CSNK2A1: variants seen among roughly 807,000 people sequenced by gnomAD.
The protein encoded by CSNK2A1 is casein kinase 2 alpha 1, also known as casein kinase II subunit alpha.
In CSNK2A1, 10 loss-of-function variants were observed where a neutral mutation model predicts 62.9. The ratio of observed to expected loss-of-function variants is 0.16; its 90% CI spans 0.10 to 0.27. The LOEUF is 0.27. Among genes scored for constraint, CSNK2A1 ranks in the 10% least tolerant of loss-of-function variants. CSNK2A1 has a pLI of 1.00. For synonymous variants in CSNK2A1, 124 were observed against 167.8 expected, an observed-to-expected ratio of 0.74 and a Z score of 2.02; for missense variants, 160 against 492.0, an observed-to-expected ratio of 0.33 and a Z score of 6.38.
At chr20:496,467 A>G (rs1364068323) in intron 7 of CSNK2A1, 1 of 152,436 alleles carries the variant, frequency 6.6e-6, no homozygotes, top group Non-Finnish European at 1.5e-5. Flanking sequence ...ACTAAAGGGA[A>G]CTGAGTAGTA....
chr20:520,663 C>A (rs934613011), intron 2 of CSNK2A1, among the ~76,000 whole-genome samples: 1 of 152,060 alleles, frequency 6.6e-6, no homozygotes, highest in Non-Finnish European at 1.5e-5. Context: ...CTATGCCCTG[C>A]TAATTTTTGT....
rs998942276 is a variant in CSNK2A1 at position 478,480 on chromosome 20, G to A, written c.*5481C>T. On this transcript the variant is annotated 3_prime_UTR_variant, in exon 14 of 14. Transcript: ENST00000217244. Reference sequence around the variant, plus strand: ...TTTTTTTCCCTTTTTCTCATTACAGGAGCCAAGAAAACTGTCAAAGCAGAT... The same window carrying A: ...TTTTTTTCCCTTTTTCTCATTACAGAAGCCAAGAAAACTGTCAAAGCAGAT... 10 of 212,938 alleles carry A rather than the reference G, an allele frequency of 4.7e-5. No individual in the cohort carries two copies. Among genetic ancestry groups the A allele is most frequent in the Non-Finnish European group, 9.9e-5 (10 of 101,292 alleles). 13.2% of individuals were successfully genotyped at this position (212,938 alleles called of 1,614,324 possible).
At chr20:518,810 C>A (rs1282116053) in intron 2 of CSNK2A1, among the ~76,000 whole-genome samples, 1 of 151,474 alleles carries the variant, frequency 6.6e-6, no homozygotes, top group Non-Finnish European at 1.5e-5. Flanking sequence ...CCGCCTTGGC[C>A]TCCCAAAGTG....
At position 511,434 on chromosome 20, in the gene CSNK2A1, T is replaced by C. The variant is rs78026148; in HGVS notation, c.-109-2774A>G. Among the ~76,000 whole-genome samples, 255 of 152,304 alleles carry C rather than the reference T, an allele frequency of 1.7e-3. 1 individual carries two copies. Among genetic ancestry groups the C allele is most frequent in the Non-Finnish European group, 3.0e-3 (207 of 68,024 alleles). On this transcript the variant is annotated intron_variant, in intron 2 of 13. Coordinates refer to ENST00000217244, the MANE Select transcript of CSNK2A1 (RefSeq NM_177559.3). ...TTCTTGTGCAGTAATCACCAGATCA[T>C]CCATTTCTACAAATTTTTACCATCC...
At chr20:515,278 T>C (rs2018803907) in intron 2 of CSNK2A1, among the ~76,000 whole-genome samples, 1 of 152,236 alleles carries the variant, frequency 6.6e-6, no homozygotes, top group Non-Finnish European at 1.5e-5. Context: ...TTGGATTTCT[T>C]GCTTGACAGA....
In CSNK2A1 at chr20:474,009, G is replaced by A. The variant is rs2017802137; in HGVS notation, c.*9952C>T. ...TTGGGAGGAGACAACAACATTGCAA[G>A]TGATCTAGTCTTTGAAAGGCTTTTA... On this transcript the variant is annotated 3_prime_UTR_variant, in exon 14 of 14. Transcript: ENST00000217244. 2.0e-5 allele frequency: 3 copies of A among 152,174 alleles called. No homozygotes were observed. The highest frequency in any genetic ancestry group is 2.0e-4 in the Admixed American group (3 of 15,276). 9.4% of individuals were successfully genotyped at this position (152,174 alleles called of 1,614,324 possible).
Position 489,977 on chromosome 20 carries a change from C to A in CSNK2A1, c.622-96G>T, listed in dbSNP as rs576760583. 138 of 953,902 alleles carry A rather than the reference C, an allele frequency of 1.4e-4. No individual in the cohort carries two copies. In the African/African-American group the frequency reaches 1.9e-3, roughly 13 times the overall value. 59.1% of individuals were successfully genotyped at this position (953,902 alleles called of 1,614,324 possible). A position where few individuals can be genotyped will look rare whatever the true frequency, so the allele number is the denominator to read the frequency against. On this transcript the variant is annotated intron_variant, in intron 9 of 13. Coordinates refer to ENST00000217244, the MANE Select transcript of CSNK2A1 (RefSeq NM_177559.3). ...TTTTTAAAATTAAAAAAAAATCACT[C>A]CACTGACTCAAAATCAAAACACTAA... is the stretch of plus-strand genomic sequence containing the variant.
At chr20:495,353 G>T (rs1204555799) in intron 8 of CSNK2A1, 3 of 196,284 alleles carry the variant, frequency 1.5e-5, no homozygotes, top group African/African-American at 7.0e-5. Flanking sequence ...TAATTCTCAC[G>T]AATACCTAGT....
chr20:499,050 A>G lies in CSNK2A1; in HGVS notation c.366+205T>C. ...AGAAGTCAATGTGTTGGTCATTAAA[A>G]AGAACATTAAACAAATGGGCAAAAT... On this transcript the variant is annotated intron_variant, in intron 6 of 13. Coordinates refer to ENST00000217244, the MANE Select transcript of CSNK2A1 (RefSeq NM_177559.3). This position sits in a 1 kb window ranked among gnomAD's most constrained non-coding sequence, Gnocchi z 4.2. 1 of 349,190 alleles carries G rather than the reference A, an allele frequency of 2.9e-6. No individual in the cohort carries two copies. The allele number at this position is 349,190 out of a possible 1,614,324, so 21.6% of individuals were successfully genotyped here. A position where few individuals can be genotyped will look rare whatever the true frequency, so the allele number is the denominator to read the frequency against.
chr20:511,710 A>ATG (rs1432785050), intron 2 of CSNK2A1, among the ~76,000 whole-genome samples: 9 of 149,682 alleles, frequency 6.0e-5, no homozygotes, highest in African/African-American at 2.2e-4. Context: ...ATATACACAC[A>ATG]CACACACACA....
At chr20:502,253 A>C (rs1423738925) in intron 4 of CSNK2A1, 2 of 152,210 alleles carry the variant, frequency 1.3e-5, no homozygotes, top group African/African-American at 4.8e-5. Context: ...CTAAGAAACA[A>C]GATAATATAA....
At chr20:510,692 T>C (rs1488096063) in intron 2 of CSNK2A1, among the ~76,000 whole-genome samples, 1 of 152,108 alleles carries the variant, frequency 6.6e-6, no homozygotes, top group Non-Finnish European at 1.5e-5. Context: ...AGAGATGCCC[T>C]TTGTACTATT....
At chr20:489,703 G>C in intron 10 of CSNK2A1, 77 bp downstream of exon 10, 2 of 1,217,526 alleles carry the variant, frequency 1.6e-6, no homozygotes, top group Non-Finnish European at 2.3e-6. Context: ...AATAAACAGT[G>C]AACTGAAAGT....
intron 1 of CSNK2A1, among the ~76,000 whole-genome samples, chr20:528,534 G>A (rs796700745): frequency 6.6e-6 from 1 of 152,228 alleles, no homozygotes; most frequent in African/African-American, 2.4e-5. Context: ...TCCTCCTTCA[G>A]CTTCCTTAGT....
chr20:537,959 A>T (rs2019369348), intron 1 of CSNK2A1, among the ~76,000 whole-genome samples: 1 of 149,370 alleles, frequency 6.7e-6, no homozygotes, highest in Non-Finnish European at 1.5e-5. Flanking sequence ...TAGACAGTTA[A>T]CATCTTTTTT....
At position 492,304 on chromosome 20, in the gene CSNK2A1, G is replaced by A. The variant is rs1177251051; in HGVS notation, c.571C>T (p.Arg191Ter). Reference protein sequence around the residue: ...FYHPGQEYNVRVASRYFKGPE... With the variant: ...FYHPGQEYNV ...CCTTTGAAGTATCGGGAAGCAACTC[G>A]GACATTATATTCTTGGCCAGGATGA... The change falls in exon 9 of 14, where the codon CGA (arginine) becomes TGA (stop). Residue 191 changes from arginine (R) to a stop codon, truncating the protein, a stop_gained. Coordinates refer to ENST00000217244, the MANE Select transcript of CSNK2A1 (RefSeq NM_177559.3). LOFTEE classifies it high-confidence loss of function. 6.2e-7 allele frequency: 1 copy of A among 1,613,780 alleles called. No individual in the cohort carries two copies.
chr20:524,634 G>A (rs1333931398), intron 2 of CSNK2A1, among the ~76,000 whole-genome samples: 5 of 147,114 alleles, frequency 3.4e-5, no homozygotes, highest in African/African-American at 1.3e-4. Context: ...GGAGGCTGAG[G>A]CTGGAGAATC....
chr20:498,534 C>T (rs1455559748), intron 6 of CSNK2A1: 5 of 152,012 alleles, frequency 3.3e-5, no homozygotes, highest in Non-Finnish European at 4.4e-5. Flanking sequence ...TGGTTAGCAA[C>T]GTCTTCTGAC....
intron 11 of CSNK2A1, 103 bp from the exon 12 acceptor site, chr20:487,678 A>G (rs1244969496): frequency 6.6e-7 from 1 of 1,520,784 alleles, no homozygotes; most frequent in African/African-American, 1.4e-5. Context: ...AGACAAAAGC[A>G]AAGAGGGATC....
Sources: allele counts gnomAD v4.1 joint callset (sites outside exome capture counted in the v4.1 genomes callset), GRCh38; gene constraint gnomAD v4.1.1; non-coding constraint Gnocchi (gnomAD v3.1); transcripts MANE v1.5; gene names NCBI Gene and HGNC (gene_info 2026-07-23, HGNC 2026-07-21).